MSRB3: variants seen among roughly 807,000 people sequenced by gnomAD.
The protein encoded by MSRB3 is methionine-R-sulfoxide reductase B3.
MSRB3 carries 13 observed loss-of-function variants against 21.0 expected under a neutral mutation model. The ratio of observed to expected loss-of-function variants is 0.62; its 90% CI spans 0.40 to 0.98. The LOEUF (loss-of-function observed/expected upper bound fraction) is 0.98. Ranked by LOEUF, MSRB3 falls within the 50% of genes least tolerant of loss-of-function variation. The probability of loss-of-function intolerance (pLI) is 0.00; values close to 1 mark genes in which losing one functional copy is unlikely to be tolerated. For synonymous variants in MSRB3, 87 were observed against 88.6 expected (o/e 0.98, Z 0.10); for missense variants, 199 against 230.3 (o/e 0.86, Z 0.88).
chr12:65,453,657 T>C, intron 5 of MSRB3, 71 bp from the exon 6 acceptor site: 1 of 1,138,280 alleles, frequency 8.8e-7, no homozygotes, highest in Non-Finnish European at 1.3e-6. Flanking sequence ...AGTATTTCTT[T>C]AAAATGCATT....
At chr12:65,299,266 A>T (rs1360414338) in intron 1 of MSRB3, among the ~76,000 whole-genome samples, 1 of 152,236 alleles carries the variant, frequency 6.6e-6, no homozygotes, top group Non-Finnish European at 1.5e-5. Flanking sequence ...GTTAGACTTT[A>T]ATAGACAACA....
chr12:65,394,479 G>A (rs1411042704), intron 5 of MSRB3, among the ~76,000 whole-genome samples: 1 of 152,144 alleles, frequency 6.6e-6, no homozygotes, highest in Non-Finnish European at 1.5e-5. Flanking sequence ...ACAACTCCCA[G>A]CCAGTATCAC....
chr12:65,402,728 G>T (rs946098481), intron 5 of MSRB3, among the ~76,000 whole-genome samples: 3 of 152,194 alleles, frequency 2.0e-5, no homozygotes, highest in Non-Finnish European at 2.9e-5. Context: ...TTTTGCGCTG[G>T]TTTTTCCCCA....
intron 1 of MSRB3, among the ~76,000 whole-genome samples, chr12:65,289,627 G>T (rs551203190): frequency 3.3e-5 from 5 of 152,098 alleles, no homozygotes; most frequent in Non-Finnish European, 5.9e-5. Context: ...ACATGTCATG[G>T]GAGTTTGGTG....
chr12:65,403,654 GA>G (rs1013336231), intron 5 of MSRB3, among the ~76,000 whole-genome samples: 6 of 151,900 alleles, frequency 3.9e-5, no homozygotes, highest in African/African-American at 9.7e-5. Context: ...ACTGGGGTAT[GA>G]AAAAAAACTC....
chr12:65,357,132 G>A (rs1877430740), intron 4 of MSRB3, among the ~76,000 whole-genome samples: 1 of 151,776 alleles, frequency 6.6e-6, no homozygotes, highest in African/African-American at 2.4e-5. Context: ...CTAAATGAAG[G>A]TACTACTCAT....
At chr12:65,394,030 A>T (rs1879639628) in intron 5 of MSRB3, among the ~76,000 whole-genome samples, 1 of 152,156 alleles carries the variant, frequency 6.6e-6, no homozygotes, top group African/African-American at 2.4e-5. Flanking sequence ...CTATACTCTA[A>T]GTAGGAATAT....
chr12:65,415,803 G>T (rs771136765), intron 5 of MSRB3, among the ~76,000 whole-genome samples: 2 of 152,146 alleles, frequency 1.3e-5, no homozygotes, highest in Non-Finnish European at 2.9e-5. Flanking sequence ...GGGTTTACCA[G>T]CCCCATCCTA....
chr12:65,315,629 T>G (rs796773333), intron 2 of MSRB3, among the ~76,000 whole-genome samples: 45 of 141,952 alleles, frequency 3.2e-4, no homozygotes, highest in African/African-American at 1.1e-3. Context: ...GATCGTATGA[T>G]TGCACTCCAG....
At chr12:65,323,005 G>T (rs570142135) in intron 2 of MSRB3, among the ~76,000 whole-genome samples, 87 of 152,264 alleles carry the variant, frequency 5.7e-4, no homozygotes, top group South Asian at 2.5e-3. Flanking sequence ...AATTATTATA[G>T]AAAAAGAATT....
chr12:65,368,046 A>G (rs1207817810), intron 4 of MSRB3, among the ~76,000 whole-genome samples: 1 of 152,068 alleles, frequency 6.6e-6, no homozygotes, highest in Admixed American at 6.6e-5. Flanking sequence ...TCCTCCTTTG[A>G]TGACTTTTCT....
At chr12:65,337,511 C>G (rs796409062) in intron 4 of MSRB3, among the ~76,000 whole-genome samples, 68 of 147,572 alleles carry the variant, frequency 4.6e-4, no homozygotes, top group African/African-American at 1.5e-3. Flanking sequence ...AACTTTCTAT[C>G]TCATTTTTTT....
intron 4 of MSRB3, among the ~76,000 whole-genome samples, chr12:65,365,018 G>A (rs1877928738): frequency 2.0e-5 from 3 of 151,450 alleles, no homozygotes; most frequent in Admixed American, 1.3e-4. Context: ...TTTATGTATT[G>A]ATCAGCTATC....
chr12:65,466,319 A>G lies in MSRB3; in HGVS notation c.*2997A>G, dbSNP rs1451125434. 1.3e-5 allele frequency: 2 copies of G among 152,234 alleles called. No homozygotes were observed. The highest frequency in any genetic ancestry group is 2.9e-5 in the Non-Finnish European group (2 of 68,038). The allele number at this position is 152,234 out of a possible 1,614,324, so 9.4% of individuals were successfully genotyped here. A position where few individuals can be genotyped will look rare whatever the true frequency, so the allele number is the denominator to read the frequency against. On this transcript the variant is annotated 3_prime_UTR_variant, in exon 7 of 7. Coordinates refer to ENST00000308259, the MANE Select transcript of MSRB3 (RefSeq NM_001031679.3). Reference sequence around the variant, plus strand: ...TATTTCTGTCTTATGTGAAAGAAATATATTACTAAAACGTCAGTGAGCAAT... The same window carrying G: ...TATTTCTGTCTTATGTGAAAGAAATGTATTACTAAAACGTCAGTGAGCAAT...
rs185852403 is a variant in MSRB3, at chr12:65,378,963, A to G, written c.292+9937A>G. Among the ~76,000 whole-genome samples the G allele has an allele frequency of 2.7e-3, 415 of 152,340 alleles. 1 individual carries two copies. The highest frequency in any genetic ancestry group is 9.6e-3 in the African/African-American group (400 of 41,568). ...CTGAAATTTCCTTACTGTAACATAT[A>G]TCAGCCTAAAGCTAGATATCTTTGA... On this transcript the variant is annotated intron_variant, in intron 5 of 6. Coordinates refer to ENST00000308259, the MANE Select transcript of MSRB3 (RefSeq NM_001031679.3).
chr12:65,448,941 T>C (rs1882737028), intron 5 of MSRB3, among the ~76,000 whole-genome samples: 1 of 152,176 alleles, frequency 6.6e-6, no homozygotes, highest in African/African-American at 2.4e-5. Flanking sequence ...TGGAAGACTA[T>C]ATTGCAACCA....
At position 65,419,655 on chromosome 12, in the gene MSRB3, C is replaced by T. The variant is rs1202089118; in HGVS notation, c.293-34073C>T. On this transcript the variant is annotated intron_variant, in intron 5 of 6. Coordinates refer to ENST00000308259, the MANE Select transcript of MSRB3 (RefSeq NM_001031679.3). Reference sequence around the variant, plus strand: ...TGAAATAATGGACCCAGTCTCTGACCTGGGGTCCTGTCTTCTCCAGGTGCT... The same window carrying T: ...TGAAATAATGGACCCAGTCTCTGACTTGGGGTCCTGTCTTCTCCAGGTGCT... 4.2e-6 allele frequency: 3 copies of T among 711,846 alleles called. No individual in the cohort carries two copies. In the Admixed American group the frequency reaches 5.4e-5, roughly 13 times the overall value. 44.1% of individuals were successfully genotyped at this position (711,846 alleles called of 1,614,324 possible). A position where few individuals can be genotyped will look rare whatever the true frequency, so the allele number is the denominator to read the frequency against.
chr12:65,424,005 T>C (rs754124369), intron 5 of MSRB3, among the ~76,000 whole-genome samples: 5 of 152,172 alleles, frequency 3.3e-5, no homozygotes, highest in Admixed American at 1.3e-4. Flanking sequence ...ACTTATTCAA[T>C]GTCCTTCCTT....
chr12:65,305,507 G>A (rs529244557), intron 1 of MSRB3, among the ~76,000 whole-genome samples: 48 of 152,250 alleles, frequency 3.2e-4, no homozygotes, highest in African/African-American at 1.1e-3. Flanking sequence ...TGGCTTTGGA[G>A]GTGAATGTCC....
Sources: allele counts gnomAD v4.1 joint callset (sites outside exome capture counted in the v4.1 genomes callset), GRCh38; gene constraint gnomAD v4.1.1; transcripts MANE v1.5; gene names NCBI Gene and HGNC (gene_info 2026-07-23, HGNC 2026-07-21).